Variants in DGKG observed in about 807,000 individuals in gnomAD.
DGKG encodes the protein diacylglycerol kinase gamma.
Under a neutral mutation model 105.3 loss-of-function variants are expected in DGKG, and 78 were observed. The observed-to-expected ratio is 0.74, with a 90% confidence interval of 0.62 to 0.89. The LOEUF is 0.89. DGKG is among the 40% of genes least tolerant of loss of function. The pLI is 0.00. For synonymous variants in DGKG, 346 were observed against 367.1 expected, an observed-to-expected ratio of 0.94 and a Z score of 0.66; for missense variants, 958 against 1,020.1, an observed-to-expected ratio of 0.94 and a Z score of 0.83.
At chr3:186,341,151 G>A (rs938890846) in intron 1 of DGKG, among the ~76,000 whole-genome samples, 3 of 152,194 alleles carry the variant, frequency 2.0e-5, no homozygotes, top group African/African-American at 7.2e-5. Flanking sequence ...TGGGAATAGG[G>A]ATAATGTTGT....
chr3:186,218,377 G>A (rs1372976474), intron 20 of DGKG, among the ~76,000 whole-genome samples: 4 of 151,792 alleles, frequency 2.6e-5, no homozygotes. Context: ...GGTGGTGCAT[G>A]ACTGTAATCC....
chr3:186,275,522 A>G (rs1722536799), intron 10 of DGKG, 25 bp downstream of exon 10: 4 of 1,582,538 alleles, frequency 2.5e-6, no homozygotes, highest in Non-Finnish European at 3.5e-6. Flanking sequence ...GCCTGGGGGA[A>G]GAGGTTTGAA....
chr3:186,183,585 T>A (rs901598907), intron 22 of DGKG, among the ~76,000 whole-genome samples: 1 of 152,182 alleles, frequency 6.6e-6, no homozygotes, highest in African/African-American at 2.4e-5. Context: ...CCTTGGAATC[T>A]GAAAGGTCTA....
intron 20 of DGKG, among the ~76,000 whole-genome samples, chr3:186,229,568 G>A (rs372861059): frequency 1.3e-5 from 2 of 152,192 alleles, no homozygotes; most frequent in South Asian, 2.1e-4. Context: ...TTAGAGCTAC[G>A]AGCGAATACA....
chr3:186,297,840 C>G (rs1026078327), intron 4 of DGKG, among the ~76,000 whole-genome samples: 1 of 96,318 alleles, frequency 1.0e-5, no homozygotes, highest in Admixed American at 1.0e-4. Flanking sequence ...GCTCTTTGAT[C>G]CATAGTGGCA....
At chr3:186,165,061 G>A in intron 22 of DGKG, 43 bp from the exon 23 acceptor site, 1 of 1,586,214 alleles carries the variant, frequency 6.3e-7, no homozygotes, top group South Asian at 1.2e-5. Context: ...ACATCTCTGT[G>A]TTCCTCAGAC....
intron 2 of DGKG, among the ~76,000 whole-genome samples, chr3:186,307,769 G>A (rs1336446882): frequency 6.6e-6 from 1 of 152,032 alleles, no homozygotes; most frequent in Non-Finnish European, 1.5e-5. Flanking sequence ...CATTAAGTAT[G>A]TAGGATGAGT....
Position 186,320,533 on chromosome 3 carries a change from C to G in DGKG, c.-74G>C. ...ACTAGGCTGAAGTGGAGGCCCAGCC[C>G]AGGGCCTGGCTCATTGCAGGTTTGC... On this transcript the variant is annotated 5_prime_UTR_variant, in exon 2 of 25. Coordinates refer to ENST00000265022, the MANE Select transcript of DGKG (RefSeq NM_001346.3). 1 of 1,611,618 alleles carries G rather than the reference C, an allele frequency of 6.2e-7. No individual in the cohort carries two copies. Among genetic ancestry groups the G allele is most frequent in the Non-Finnish European group, 8.5e-7 (1 of 1,178,472 alleles).
At chr3:186,183,046 G>T (rs1465070761) in intron 22 of DGKG, among the ~76,000 whole-genome samples, 1 of 152,206 alleles carries the variant, frequency 6.6e-6, no homozygotes, top group Non-Finnish European at 1.5e-5. Context: ...GCAGCCATTA[G>T]GTAGGCCTTG....
Position 186,344,920 on chromosome 3 carries a change from G to A in DGKG, c.-249+17026C>T, listed in dbSNP as rs186484891. On this transcript the variant is annotated intron_variant, in intron 1 of 24. Coordinates refer to ENST00000265022, the MANE Select transcript of DGKG (RefSeq NM_001346.3). ...TTTTATTATGTGCTTTGGATATTAC[G>A]CAGCATATAATTTTTTCAGTAGTAT... Among the ~76,000 whole-genome samples the A allele has an allele frequency of 3.2e-3, 479 of 152,048 alleles. 8 individuals carry two copies. Among genetic ancestry groups the A allele is most frequent in the South Asian group, 0.029 (140 of 4,822 alleles).
chr3:186,303,427 C>T (rs187195043), intron 3 of DGKG, among the ~76,000 whole-genome samples: 15 of 152,302 alleles, frequency 9.8e-5, no homozygotes, highest in Non-Finnish European at 2.1e-4. Context: ...CAATTTGCTC[C>T]TGCTGCAACA....
intron 22 of DGKG, among the ~76,000 whole-genome samples, chr3:186,171,418 C>A (rs923444228): frequency 3.7e-4 from 57 of 152,142 alleles, no homozygotes; most frequent in Non-Finnish European, 1.0e-4. Flanking sequence ...GGTTTTAGGA[C>A]CCCTGCAAAT....
intron 24 of DGKG, among the ~76,000 whole-genome samples, chr3:186,155,135 T>TAC (rs1490231881): frequency 2.0e-5 from 3 of 152,218 alleles, no homozygotes; most frequent in African/African-American, 7.2e-5. Context: ...TGTTTGTATA[T>TAC]ACATATATAA....
At chr3:186,205,451 T>C (rs1718683031) in intron 21 of DGKG, among the ~76,000 whole-genome samples, 2 of 152,124 alleles carry the variant, frequency 1.3e-5, no homozygotes, top group South Asian at 2.1e-4. Context: ...GGCTCACGCC[T>C]GTAATCTCAG....
chr3:186,248,055 T>C (rs1721031191), intron 19 of DGKG, among the ~76,000 whole-genome samples: 1 of 152,134 alleles, frequency 6.6e-6, no homozygotes, highest in Non-Finnish European at 1.5e-5. Flanking sequence ...CTAGAATAAA[T>C]TAAAACTATG....
At chr3:186,348,138 T>G (rs1726434797) in intron 1 of DGKG, among the ~76,000 whole-genome samples, 1 of 152,212 alleles carries the variant, frequency 6.6e-6, no homozygotes, top group African/African-American at 2.4e-5. Context: ...ATTAAGTTTC[T>G]TATGTATCTT....
chr3:186,251,286 TG>T (rs1721212680), intron 19 of DGKG, among the ~76,000 whole-genome samples: 1 of 151,962 alleles, frequency 6.6e-6, no homozygotes, highest in Non-Finnish European at 1.5e-5. Context: ...GTGAGTGGAA[TG>T]GGGTTGAGAG....
At chr3:186,195,308 AC>A (rs1718127974) in intron 21 of DGKG, among the ~76,000 whole-genome samples, 1 of 152,020 alleles carries the variant, frequency 6.6e-6, no homozygotes, top group Non-Finnish European at 1.5e-5. Context: ...AAAAAAACAA[AC>A]AAAAAAAAGA....
chr3:186,288,841 T>G lies in DGKG; in HGVS notation c.413A>C (p.Gln138Pro). The G allele has an allele frequency of 6.2e-7, 1 of 1,604,746 alleles. No individual in the cohort carries two copies. Among genetic ancestry groups the G allele is most frequent in the South Asian group, 1.1e-5 (1 of 89,662 alleles). ...MAEKQAPAED[Q>P]VAATPLEPPV... ...GGGTTCCAGGGGGGTCGCAGCCACT[T>G]GGTCTTCAGCTGGTGCTTGCTTCTC... Residue 138 changes from glutamine (Q) to proline (P), a missense_variant, in exon 6 of 25, where the codon CAA becomes CCA. Around this residue, in one of 2 missense-constraint regions of DGKG, gnomAD observed 643 missense variants for 619.5 expected, o/e 1.04. Coordinates refer to ENST00000265022, the MANE Select transcript of DGKG (RefSeq NM_001346.3).
Sources: gnomAD v4.1 joint callset for allele counts (sites outside exome capture counted in the v4.1 genomes callset) on GRCh38, gnomAD v4.1.1 for gene constraint, gnomAD v4.1.1 regional missense constraint, MANE v1.5 for transcripts, NCBI Gene and HGNC (gene_info 2026-07-23, HGNC 2026-07-21) for gene names.